FSIP2: variants seen among roughly 807,000 people sequenced by gnomAD.
The protein encoded by FSIP2 is fibrous sheath interacting protein 2.
A neutral mutation model predicts 510.5 loss-of-function variants in FSIP2; 367 were observed. The observed-to-expected ratio is 0.72, with a 90% CI of 0.66 to 0.78. The LOEUF (loss-of-function observed/expected upper bound fraction) is 0.78. Among genes scored for constraint, FSIP2 ranks in the 30% least tolerant of loss-of-function variants. The pLI, the probability that FSIP2 is intolerant of heterozygous loss-of-function variation, is 0.00. For synonymous variants in FSIP2, 2,601 were observed against 2,732.2 expected (o/e 0.95, Z 1.50); for missense variants, 7,594 against 7,901.7 (o/e 0.96, Z 1.48).
In FSIP2 at chr2:185,789,488, C is replaced by T. The variant is rs1263021206; in HGVS notation, c.2352C>T (p.Val784=). ...AGATGTTTTCACAAGATTTGTCAGT[C>T]GACATTAAACCAAGTTTAGCAGCCA... is the stretch of plus-strand genomic sequence containing the variant. The part of the protein sequence containing the change: ...CVEMFSQDLS[V]DIKPSLAASD... The change falls in exon 16 of 23, where the codon GTC becomes GTT. Residue 784 remains valine (V), a synonymous_variant. Coordinates refer to ENST00000424728, the MANE Select transcript of FSIP2 (RefSeq NM_173651.4). The T allele has an allele frequency of 7.2e-6, 11 of 1,534,436 alleles. No homozygotes were observed. Among genetic ancestry groups the T allele is most frequent in the South Asian group, 2.4e-5 (2 of 84,000 alleles).
At position 185,790,372 on chromosome 2, in the gene FSIP2, A is replaced by C. The variant is rs748239729; in HGVS notation, c.3236A>C (p.Asp1079Ala). Reference sequence around the variant, plus strand: ...GAGCCACCATCTACTAATCATGAAGATATTTTAAAGAAAAAACTTTCTTCG... The same window carrying C: ...GAGCCACCATCTACTAATCATGAAGCTATTTTAAAGAAAAAACTTTCTTCG... ...KTEPPSTNHE[D>A]ILKKKLSSNK... Residue 1079 changes from aspartate to alanine, a missense_variant, in exon 16 of 23, where the codon GAT becomes GCT. Physicochemically the swap from Asp to Ala is moderately radical, Grantham distance 126 (BLOSUM62 -2). Transcript: ENST00000424728. 2.8e-5 allele frequency: 43 copies of C among 1,528,826 alleles called. No individual in the cohort carries two copies. Among genetic ancestry groups the C allele is most frequent in the Non-Finnish European group, 3.6e-5 (41 of 1,144,238 alleles). 94.7% of individuals were successfully genotyped at this position (1,528,826 alleles called of 1,614,324 possible). A position where few individuals can be genotyped will look rare whatever the true frequency, so the allele number is the denominator to read the frequency against.
chr2:185,832,918 A>G (rs1281376713), intron 22 of FSIP2, among the ~76,000 whole-genome samples, 172 bp from the exon 23 acceptor site: 1 of 152,002 alleles, frequency 6.6e-6, no homozygotes, highest in Non-Finnish European at 1.5e-5. Context: ...GACTTTGTAT[A>G]CGTGACTAAA....
In FSIP2 at chr2:185,805,840, A is replaced by G. The variant is rs1693556370; in HGVS notation, c.16534A>G (p.Thr5512Ala). Residue 5512 changes from threonine to alanine, a missense_variant, in exon 17 of 23, where the codon ACA becomes GCA. Transcript: ENST00000424728. ...GATTAACCTAACATCAGGGTTGGCT[A>G]CAGGTGTGACAAATAAAAAGGAAGT... Reference protein sequence around the residue: ...GMINLTSGLATGVTNKKEVDE... With the variant: ...GMINLTSGLAAGVTNKKEVDE... 1 of 1,609,230 alleles carries G rather than the reference A, an allele frequency of 6.2e-7. No homozygotes were observed. Among genetic ancestry groups the G allele is most frequent in the African/African-American group, 1.3e-5 (1 of 74,710 alleles).
intron 19 of FSIP2, among the ~76,000 whole-genome samples, chr2:185,817,035 G>A (rs1693841259): frequency 6.6e-6 from 1 of 151,786 alleles, no homozygotes; most frequent in Admixed American, 6.6e-5. Context: ...AGGAGCAAGG[G>A]AGACAGAAAG....
At chr2:185,777,627 T>G (rs969864059) in intron 13 of FSIP2, among the ~76,000 whole-genome samples, 1 of 152,164 alleles carries the variant, frequency 6.6e-6, no homozygotes, top group Non-Finnish European at 1.5e-5. Context: ...ATTTTGACTT[T>G]TTAAAATATA....
intron 20 of FSIP2, 70 bp downstream of exon 20, chr2:185,824,550 A>G (rs1693981837): frequency 1.1e-6 from 1 of 897,002 alleles, no homozygotes; most frequent in Non-Finnish European, 1.8e-6. Flanking sequence ...TTAGTTATCA[A>G]ACTTGAAGTT....
chr2:185,824,684 C>A (rs991555002), intron 20 of FSIP2, among the ~76,000 whole-genome samples: 2 of 151,700 alleles, frequency 1.3e-5, no homozygotes, highest in Admixed American at 1.3e-4. Flanking sequence ...GATTTCATCA[C>A]TGATTGTGGT....
At position 185,755,524 on chromosome 2, in the gene FSIP2, A is replaced by G. The variant is rs151164140; in HGVS notation, c.992-668A>G. 5.8e-3 allele frequency among the ~76,000 whole-genome samples: 875 copies of G among 151,754 alleles called. 10 individuals are homozygous for G. The highest frequency in any genetic ancestry group is 0.02 in the African/African-American group (841 of 41,498). ...ATTTATATTATCAAAGAGTCAGAAT[A>G]GAAAGAATATCCATGGCACAAATTA... On this transcript the variant is annotated intron_variant, in intron 8 of 22. Transcript: ENST00000424728.
chr2:185,747,551 A>T (rs1295994239), intron 7 of FSIP2, 128 bp downstream of exon 7: 1 of 522,016 alleles, frequency 1.9e-6, no homozygotes, highest in Non-Finnish European at 3.4e-6. Context: ...ATGATATAAA[A>T]CTGCAAGTTA....
chr2:185,830,030 A>G (rs1694079036), intron 21 of FSIP2, among the ~76,000 whole-genome samples: 1 of 151,930 alleles, frequency 6.6e-6, no homozygotes, highest in Non-Finnish European at 1.5e-5. Flanking sequence ...GATACTGAAC[A>G]CTACAAAAAT....
At position 185,806,954 on chromosome 2, in the gene FSIP2, A is replaced by G; in HGVS notation, c.17648A>G (p.Lys5883Arg). The G allele has an allele frequency of 6.2e-7, 1 of 1,611,428 alleles. No homozygotes were observed. The highest frequency in any genetic ancestry group is 8.5e-7 in the Non-Finnish European group (1 of 1,178,702). The change falls in exon 17 of 23, where the codon AAG becomes AGG. Residue 5883 changes from lysine (K) to arginine (R), a missense_variant. Lys to Arg is a conservative substitution (Grantham distance 26). Transcript: ENST00000424728. ...PTTDEAPSSI[K>R]IKSADKMPPM... ...ACAGATGAAGCACCATCCAGCATTA[A>G]GATAAAATCTGCAGATAAAATGCCA...
In FSIP2 at chr2:185,794,975, C is replaced by T. The variant is rs781385451; in HGVS notation, c.7839C>T (p.Ile2613=). The change falls in exon 16 of 23, where the codon ATC becomes ATT. Residue 2613 remains isoleucine, a synonymous_variant. Transcript: ENST00000424728. Reference sequence around the variant, plus strand: ...ATTCTTATGTCGACAGTCAAAATATCTCTGTGATGGAAAACACTCTTTTGC... The same window carrying T: ...ATTCTTATGTCGACAGTCAAAATATTTCTGTGATGGAAAACACTCTTTTGC... The part of the protein sequence containing the change: ...QAYSYVDSQN[I]SVMENTLLPY... The T allele has an allele frequency of 6.5e-7, 1 of 1,533,398 alleles. No individual in the cohort carries two copies. Among genetic ancestry groups the T allele is most frequent in the Non-Finnish European group, 8.7e-7 (1 of 1,145,322 alleles). The allele number at this position is 1,533,398 out of a possible 1,614,324, so 95.0% of individuals were successfully genotyped here.
chr2:185,763,189 T>C lies in FSIP2; in HGVS notation c.1247T>C (p.Ile416Thr), dbSNP rs369379081. 5 of 1,406,448 alleles carry C rather than the reference T, an allele frequency of 3.6e-6. No individual in the cohort carries two copies. In the East Asian group the frequency reaches 1.2e-4, roughly 35 times the overall value. 87.1% of individuals were successfully genotyped at this position (1,406,448 alleles called of 1,614,324 possible). ...NSSIFDDRGG[I>T]NISGQGSIIS... Reference sequence around the variant, plus strand: ...TTATCTCTTCTTTCTCTAGGAGGTATAAATATTTCAGGCCAAGGTTCAATT... The same window carrying C: ...TTATCTCTTCTTTCTCTAGGAGGTACAAATATTTCAGGCCAAGGTTCAATT... The change falls in exon 12 of 23, where the codon ATA becomes ACA. Residue 416 changes from isoleucine to threonine, a missense_variant. By Grantham distance (89) the Ile-to-Thr change is moderately conservative (BLOSUM62 -1). Transcript: ENST00000424728.
chr2:185,799,896 T>G lies in FSIP2; in HGVS notation c.10590T>G (p.Ile3530Met). The change falls in exon 17 of 23, where the codon ATT (isoleucine) becomes ATG (methionine). Residue 3530 changes from isoleucine (I) to methionine (M), a missense_variant. By Grantham distance (10) the Ile-to-Met change is conservative. Transcript: ENST00000424728. Reference sequence around the variant, plus strand: ...GAGAAAAAGAGAAAGCATGGGAAATTCAAGAAGCAACATTTAGCAAGATTA... The same window carrying G: ...GAGAAAAAGAGAAAGCATGGGAAATGCAAGAAGCAACATTTAGCAAGATTA... ...KGREKEKAWE[I>M]QEATFSKIIS... is the part of the protein sequence containing the mutation. The G allele has an allele frequency of 6.5e-7, 1 of 1,533,798 alleles. No individual in the cohort carries two copies. Among genetic ancestry groups the G allele is most frequent in the Non-Finnish European group, 8.7e-7 (1 of 1,145,480 alleles).
At position 185,793,877 on chromosome 2, in the gene FSIP2, G is replaced by A. The variant is rs1034929697; in HGVS notation, c.6741G>A (p.Glu2247=). ...DTQKSATDSC[E]ENANFITKTI... The stretch of plus-strand genomic sequence containing the variant: ...AGAAATCTGCTACTGACTCATGTGA[G>A]GAAAATGCTAACTTCATTACTAAAA... The change falls in exon 16 of 23, where the codon GAG becomes GAA. Residue 2247 remains glutamate (E), a synonymous_variant. Coordinates refer to ENST00000424728, the MANE Select transcript of FSIP2 (RefSeq NM_173651.4). The A allele has an allele frequency of 1.2e-5, 19 of 1,531,094 alleles. No individual in the cohort carries two copies. Among genetic ancestry groups the A allele is most frequent in the Non-Finnish European group, 1.7e-5 (19 of 1,144,416 alleles). The allele number at this position is 1,531,094 out of a possible 1,614,324, so 94.8% of individuals were successfully genotyped here.
chr2:185,790,974 C>A lies in FSIP2; in HGVS notation c.3838C>A (p.His1280Asn). 1 of 1,525,376 alleles carries A rather than the reference C, an allele frequency of 6.6e-7. No homozygotes were observed. The highest frequency in any genetic ancestry group is 8.8e-7 in the Non-Finnish European group (1 of 1,142,302). 94.5% of individuals were successfully genotyped at this position (1,525,376 alleles called of 1,614,324 possible). Residue 1280 changes from histidine (H) to asparagine (N), a missense_variant, in exon 16 of 23, where the codon CAT becomes AAT. Physicochemically the swap from His to Asn is moderately conservative, Grantham distance 68 (BLOSUM62 1). Coordinates refer to ENST00000424728, the MANE Select transcript of FSIP2 (RefSeq NM_173651.4). ...RLKSFICPKL[H>N]MGFKSSLRSQ... ...GAAGTCATTTATTTGTCCAAAATTG[C>A]ATATGGGCTTCAAATCTTCATTACG...
rs1262209852 is a variant in FSIP2, at chr2:185,802,117, C to A, written c.12811C>A (p.Pro4271Thr). The A allele has an allele frequency of 1.3e-6, 2 of 1,533,304 alleles. No homozygotes were observed. Among genetic ancestry groups the A allele is most frequent in the East Asian group, 4.9e-5 (2 of 40,816 alleles). 95.0% of individuals were successfully genotyped at this position (1,533,304 alleles called of 1,614,324 possible). A position where few individuals can be genotyped will look rare whatever the true frequency, so the allele number is the denominator to read the frequency against. ...TTTGAGTGGAGAGGTTTTATGTCAT[C>A]CAAGGACTCCACTGGATCCAGTGTC... ...PFLSGEVLCH[P>T]RTPLDPVSTI... The change falls in exon 17 of 23, where the codon CCA becomes ACA. Residue 4271 changes from proline to threonine, a missense_variant. Physicochemically the swap from Pro to Thr is conservative, Grantham distance 38 (BLOSUM62 -1). Coordinates refer to ENST00000424728, the MANE Select transcript of FSIP2 (RefSeq NM_173651.4).
Position 185,824,457 on chromosome 2 carries a change from A to T in FSIP2, c.20450A>T (p.Asp6817Val), listed in dbSNP as rs755465199. Residue 6817 changes from aspartate to valine, a missense_variant, in exon 20 of 23, where the codon GAC (aspartate) becomes GTC (valine). Physicochemically the swap from Asp to Val is radical, Grantham distance 152. Transcript: ENST00000424728. ...AGTGAGGCTGAAGATTGTCACTCAG[A>T]CCCAAGTGCTAAAATATTAGAAGGT... is the stretch of plus-strand genomic sequence containing the variant. ...STGEAEDCHS[D>V]PSAKILEESS... 2 of 1,591,106 alleles carry T rather than the reference A, an allele frequency of 1.3e-6. No homozygotes were observed. The highest frequency in any genetic ancestry group is 1.7e-5 in the Admixed American group (1 of 58,006).
chr2:185,747,479 G>T, intron 7 of FSIP2, 56 bp downstream of exon 7: 3 of 940,820 alleles, frequency 3.2e-6, no homozygotes, highest in East Asian at 2.6e-5. Context: ...TTTTGTTTTG[G>T]TTTTTTGAAG....
Sources: gnomAD v4.1 joint callset for allele counts (sites outside exome capture counted in the v4.1 genomes callset) on GRCh38, gnomAD v4.1.1 for gene constraint, MANE v1.5 for transcripts, NCBI Gene and HGNC (gene_info 2026-07-23, HGNC 2026-07-21) for gene names.